TMTC2: variants seen among roughly 807,000 people sequenced by gnomAD.
TMTC2 encodes the protein protein O-mannosyl-transferase TMTC2.
Under a neutral mutation model 82.4 loss-of-function variants are expected in TMTC2, and 43 were observed. The observed-to-expected ratio is 0.52, with a 90% CI of 0.41 to 0.67. The LOEUF is 0.67. Among genes scored for constraint, TMTC2 ranks in the 30% least tolerant of loss-of-function variants. The probability of loss-of-function intolerance (pLI) is 0.00; values close to 1 mark genes in which losing one functional copy is unlikely to be tolerated. For synonymous variants in TMTC2, 408 were observed against 381.9 expected (o/e 1.07, Z -0.80); for missense variants, 919 against 1,012.4 (o/e 0.91, Z 1.25).
chr12:82,910,726 GC>G (rs1874591935), intron 3 of TMTC2, among the ~76,000 whole-genome samples: 1 of 152,152 alleles, frequency 6.6e-6, no homozygotes, highest in Non-Finnish European at 1.5e-5. Context: ...GATTGCTCCG[GC>G]CAAACTCTGC....
At chr12:82,694,357 A>G (rs998159732) in intron 1 of TMTC2, among the ~76,000 whole-genome samples, 2 of 152,220 alleles carry the variant, frequency 1.3e-5, no homozygotes, top group Non-Finnish European at 2.9e-5. Context: ...TTTAGATTCC[A>G]TTTTATTGTG....
chr12:83,007,385 T>C (rs1484780345), intron 8 of TMTC2, among the ~76,000 whole-genome samples: 2 of 152,220 alleles, frequency 1.3e-5, no homozygotes, highest in East Asian at 3.8e-4. Flanking sequence ...TCTTCTTACG[T>C]TTTAATTGAG....
At chr12:82,847,911 G>A (rs1200662600) in intron 1 of TMTC2, among the ~76,000 whole-genome samples, 1 of 152,010 alleles carries the variant, frequency 6.6e-6, no homozygotes, top group African/African-American at 2.4e-5. Context: ...AAGCCTGCAC[G>A]TTGTGCACAT....
At chr12:82,720,681 T>C (rs1216369808) in intron 1 of TMTC2, among the ~76,000 whole-genome samples, 1 of 152,226 alleles carries the variant, frequency 6.6e-6, no homozygotes, top group Non-Finnish European at 1.5e-5. Context: ...GTGACTGCCT[T>C]ATTTTACATT....
intron 1 of TMTC2, among the ~76,000 whole-genome samples, chr12:82,783,839 A>G (rs967789781): frequency 1.3e-5 from 2 of 152,064 alleles, no homozygotes; most frequent in African/African-American, 4.8e-5. Context: ...CAAAGCAGCA[A>G]TCAACCTCAA....
intron 3 of TMTC2, among the ~76,000 whole-genome samples, chr12:82,918,039 G>A (rs117027359): frequency 4.6e-5 from 7 of 152,172 alleles, no homozygotes; most frequent in South Asian, 2.1e-4. Context: ...AGGCTCTAGC[G>A]ATTCCCTCAC....
chr12:82,718,477 A>T (rs17009893), intron 1 of TMTC2, among the ~76,000 whole-genome samples: 15,452 of 152,210 alleles, frequency 0.1, 918 homozygotes, highest in East Asian at 0.24. Context: ...CAGAACATAA[A>T]GTATTCATGG....
intron 11 of TMTC2, among the ~76,000 whole-genome samples, chr12:83,123,437 A>G (rs758647659): frequency 7.9e-5 from 12 of 152,156 alleles, no homozygotes; most frequent in Non-Finnish European, 1.8e-4. Flanking sequence ...AATTTTGTAA[A>G]TCTTTTTTGA....
At chr12:82,983,448 G>A (rs1972801) in intron 7 of TMTC2, among the ~76,000 whole-genome samples, 140,226 of 151,976 alleles carry the variant, frequency 0.92, 64,753 homozygotes, top group East Asian at 1. Flanking sequence ...CAAATTAATA[G>A]TATTTAAAAT....
intron 11 of TMTC2, among the ~76,000 whole-genome samples, chr12:83,070,721 G>A (rs995485814): frequency 6.6e-6 from 1 of 152,108 alleles, no homozygotes; most frequent in Non-Finnish European, 1.5e-5. Flanking sequence ...AGGACTTCCA[G>A]TACTGTGTTG....
intron 8 of TMTC2, among the ~76,000 whole-genome samples, chr12:83,012,000 G>A (rs1880484511): frequency 6.6e-6 from 1 of 152,268 alleles, no homozygotes; most frequent in Non-Finnish European, 1.5e-5. Context: ...TTCACATGAA[G>A]CTTTCAGTCA....
At chr12:82,914,671 G>A (rs578164395) in intron 3 of TMTC2, among the ~76,000 whole-genome samples, 3 of 151,882 alleles carry the variant, frequency 2.0e-5, no homozygotes, top group Non-Finnish European at 2.9e-5. Flanking sequence ...AGTGTATATC[G>A]AATTGGTTAT....
At chr12:83,076,870 A>G (rs80069392) in intron 11 of TMTC2, among the ~76,000 whole-genome samples, 2,674 of 152,250 alleles carry the variant, frequency 0.018, 79 homozygotes, top group African/African-American at 0.061. Flanking sequence ...ACTCCAATCT[A>G]TATTTACAGA....
At chr12:82,812,748 TA>T (rs770316071) in intron 1 of TMTC2, among the ~76,000 whole-genome samples, 173 of 152,056 alleles carry the variant, frequency 1.1e-3, no homozygotes, top group African/African-American at 3.9e-3. Flanking sequence ...CTTTTGCTCT[TA>T]TTTTTTTTAT....
chr12:82,706,589 T>C (rs968062139), intron 1 of TMTC2, among the ~76,000 whole-genome samples: 2 of 152,176 alleles, frequency 1.3e-5, no homozygotes, highest in Non-Finnish European at 2.9e-5. Context: ...TAGGATTATA[T>C]AGGCTGTATA....
At chr12:83,069,369 A>G (rs913231701) in intron 11 of TMTC2, among the ~76,000 whole-genome samples, 3 of 151,904 alleles carry the variant, frequency 2.0e-5, no homozygotes, top group African/African-American at 7.3e-5. Flanking sequence ...CTATATTTTG[A>G]TTTCTTGATT....
intron 1 of TMTC2, among the ~76,000 whole-genome samples, chr12:82,831,324 A>G (rs183178401): frequency 1.5e-3 from 222 of 152,340 alleles, no homozygotes; most frequent in Non-Finnish European, 2.8e-3. Context: ...AACTGCAAAC[A>G]TCAAATTCTC....
intron 1 of TMTC2, among the ~76,000 whole-genome samples, chr12:82,855,614 G>GGTTC (rs1176707222): frequency 5.3e-5 from 8 of 152,122 alleles, no homozygotes; most frequent in Admixed American, 4.6e-4. Flanking sequence ...TACAGAGATA[G>GGTTC]GTTCACTAGG....
At chr12:82,745,229 G>A (rs142056599) in intron 1 of TMTC2, among the ~76,000 whole-genome samples, 7 of 152,022 alleles carry the variant, frequency 4.6e-5, no homozygotes, top group Non-Finnish European at 8.8e-5. Flanking sequence ...AGTTCAGGAC[G>A]TACATCACAT....
Sources: allele counts gnomAD v4.1 joint callset (sites outside exome capture counted in the v4.1 genomes callset), GRCh38; gene constraint gnomAD v4.1.1; transcripts MANE v1.5; gene names NCBI Gene and HGNC (gene_info 2026-07-23, HGNC 2026-07-21).